Variants in AGMO observed in about 807,000 individuals in gnomAD.
The protein encoded by AGMO is glyceryl-ether monooxygenase.
Under a neutral mutation model 60.2 loss-of-function variants are expected in AGMO, and 75 were observed. The observed-to-expected ratio is 1.25, with a 90% CI of 1.03 to 1.51. The LOEUF is 1.51. Among genes scored for constraint, AGMO ranks in the 40% most tolerant of loss-of-function variants. The probability of loss-of-function intolerance (pLI) is 0.00; values close to 1 mark genes in which losing one functional copy is unlikely to be tolerated. For synonymous variants in AGMO, 261 were observed against 177.1 expected, an observed-to-expected ratio of 1.47 and a Z score of -3.76; for missense variants, 763 against 525.5, an observed-to-expected ratio of 1.45 and a Z score of -4.42.
intron 3 of AGMO, among the ~76,000 whole-genome samples, chr7:15,506,070 G>C (rs190189840): frequency 2.2e-3 from 341 of 152,066 alleles, no homozygotes; most frequent in Non-Finnish European, 3.3e-3. Context: ...ATTTACATTT[G>C]AACAGTGATT....
At chr7:15,484,518 C>T (rs927555770) in intron 3 of AGMO, among the ~76,000 whole-genome samples, 1 of 152,120 alleles carries the variant, frequency 6.6e-6, no homozygotes, top group African/African-American at 2.4e-5. Flanking sequence ...ATTCATCCAC[C>T]TGCTCACTTA....
intron 3 of AGMO, among the ~76,000 whole-genome samples, chr7:15,513,796 T>C (rs1783738810): frequency 6.6e-6 from 1 of 152,180 alleles, no homozygotes; most frequent in African/African-American, 2.4e-5. Flanking sequence ...AAAGGAGGAA[T>C]CTCTCTTCAG....
intron 12 of AGMO, among the ~76,000 whole-genome samples, chr7:15,331,570 G>C (rs1307247243): frequency 6.6e-6 from 1 of 152,138 alleles, no homozygotes; most frequent in Non-Finnish European, 1.5e-5. Flanking sequence ...AACACTATGT[G>C]TTCACTAAAA....
intron 12 of AGMO, among the ~76,000 whole-genome samples, chr7:15,293,579 G>C (rs1315549115): frequency 3.9e-5 from 6 of 152,050 alleles, no homozygotes; most frequent in Non-Finnish European, 4.4e-5. Flanking sequence ...CAGGGTACTA[G>C]TTACAAAAAA....
the AGMO span, among the ~76,000 whole-genome samples, chr7:15,137,058 A>G: frequency 2.6e-5 from 4 of 152,170 alleles, no homozygotes; most frequent in African/African-American, 9.7e-5. Context: ...TCTGAGAATG[A>G]TTTATTTGTT....
the AGMO span, among the ~76,000 whole-genome samples, chr7:15,121,561 T>G: frequency 4.7e-4 from 71 of 152,302 alleles, 2 homozygotes; most frequent in East Asian, 0.013. Flanking sequence ...TTTGCATTTC[T>G]CTAATAACCA....
chr7:15,387,681 T>C, intron 8 of AGMO, 141 bp from the exon 9 acceptor site: 2 of 697,036 alleles, frequency 2.9e-6, no homozygotes, highest in Non-Finnish European at 4.7e-6. Context: ...CAGAAATGTG[T>C]AATTGCATTC....
chr7:15,222,606 T>C (rs1452052246), intron 12 of AGMO, among the ~76,000 whole-genome samples: 1 of 152,108 alleles, frequency 6.6e-6, no homozygotes, highest in Non-Finnish European at 1.5e-5. Flanking sequence ...TCTATTAACC[T>C]ATCCTCTTCA....
In AGMO at chr7:15,552,992, T is replaced by TA. The variant is rs1338435896; in HGVS notation, c.257+7148dup. Among the ~76,000 whole-genome samples the TA allele has an allele frequency of 4.2e-3, 632 of 152,126 alleles. 3 individuals are homozygous for TA. The highest frequency in any genetic ancestry group is 0.015 in the African/African-American group (604 of 41,474). ...TACACCATGGAATACTACACAGCCA[T>TA]AAAAAATGATGAGTTCATGTCCTTT... On this transcript the variant is annotated intron_variant, in intron 2 of 12. Transcript: ENST00000342526.
chr7:15,517,887 AC>A (rs1050958535), intron 3 of AGMO, among the ~76,000 whole-genome samples: 15 of 151,966 alleles, frequency 9.9e-5, no homozygotes, highest in Non-Finnish European at 1.3e-4. Context: ...AGAGGATCCC[AC>A]CCCCATGGAG....
At chr7:15,282,553 G>T (rs1317336959) in intron 12 of AGMO, among the ~76,000 whole-genome samples, 1 of 152,074 alleles carries the variant, frequency 6.6e-6, no homozygotes, top group African/African-American at 2.4e-5. Flanking sequence ...AAAGAAATGA[G>T]CAATGTCTCC....
chr7:15,368,472 C>T (rs546973525), intron 10 of AGMO, among the ~76,000 whole-genome samples: 18 of 152,124 alleles, frequency 1.2e-4, no homozygotes, highest in African/African-American at 4.1e-4. Context: ...TTTAAGAACA[C>T]AGAATTTGTT....
chr7:15,467,252 C>T (rs1345312235), intron 3 of AGMO, among the ~76,000 whole-genome samples: 1 of 152,052 alleles, frequency 6.6e-6, no homozygotes, highest in Non-Finnish European at 1.5e-5. Flanking sequence ...TTCATGAGGA[C>T]ATGTGGAACA....
intron 4 of AGMO, among the ~76,000 whole-genome samples, chr7:15,422,117 C>G (rs1780942842): frequency 6.6e-6 from 1 of 152,064 alleles, no homozygotes; most frequent in African/African-American, 2.4e-5. Context: ...ATGCAGTCCT[C>G]AAGTTCACAA....
intron 4 of AGMO, among the ~76,000 whole-genome samples, chr7:15,427,562 T>C (rs768583232): frequency 1.3e-5 from 2 of 152,224 alleles, no homozygotes; most frequent in East Asian, 3.8e-4. Flanking sequence ...TTAGTGCCTT[T>C]GCTCTGAATA....
chr7:15,136,179 G>C, the AGMO span, among the ~76,000 whole-genome samples: 2 of 151,862 alleles, frequency 1.3e-5, no homozygotes, highest in Non-Finnish European at 2.9e-5. Flanking sequence ...TTTTAGTAGA[G>C]ACAGGGTTTC....
intron 12 of AGMO, among the ~76,000 whole-genome samples, chr7:15,222,122 G>A (rs963956341): frequency 6.6e-6 from 1 of 152,032 alleles, no homozygotes; most frequent in Non-Finnish European, 1.5e-5. Flanking sequence ...CTTCAAATTA[G>A]TCCAACTTGC....
intron 12 of AGMO, among the ~76,000 whole-genome samples, chr7:15,310,765 A>G (rs1345148517): frequency 6.6e-6 from 1 of 152,208 alleles, no homozygotes; most frequent in African/African-American, 2.4e-5. Context: ...TCTGGAGGTC[A>G]GAAGTCTGAA....
At chr7:15,121,995 G>A in the AGMO span, among the ~76,000 whole-genome samples, 1 of 152,080 alleles carries the variant, frequency 6.6e-6, no homozygotes, top group Non-Finnish European at 1.5e-5. Context: ...ACATATGCAT[G>A]GACAAAGACT....
Sources: gnomAD v4.1 joint callset for allele counts (sites outside exome capture counted in the v4.1 genomes callset) on GRCh38, gnomAD v4.1.1 for gene constraint, MANE v1.5 for transcripts, NCBI Gene and HGNC (gene_info 2026-07-23, HGNC 2026-07-21) for gene names.